Variants in GALNT14 observed in about 807,000 individuals in gnomAD.
GALNT14 encodes the protein polypeptide N-acetylgalactosaminyltransferase 14, also known as UDP-GalNAc:polypeptide N-acetylgalactosaminyltransferase 14.
Under a neutral mutation model 77.5 loss-of-function variants are expected in GALNT14, and 60 were observed. The observed-to-expected ratio is 0.77, with a 90% CI of 0.63 to 0.96. The LOEUF is 0.96. Among genes scored for constraint, GALNT14 ranks in the 40% least tolerant of loss-of-function variants. The pLI, the probability that GALNT14 is intolerant of heterozygous loss-of-function variation, is 0.00. For missense variants in GALNT14, 710 were observed against 731.0 expected (o/e 0.97, Z 0.33); for synonymous variants, 280 against 281.7 (o/e 0.99, Z 0.06).
rs148342071 is a variant in GALNT14, at chr2:30,924,430, G to C, written c.1236-167C>G. 7.1e-6 allele frequency: 5 copies of C among 701,648 alleles called. No individual in the cohort carries two copies. In the South Asian group the frequency reaches 7.4e-5, roughly 10 times the overall value. The allele number at this position is 701,648 out of a possible 1,614,324, so 43.5% of individuals were successfully genotyped here. A position where few individuals can be genotyped will look rare whatever the true frequency, so the allele number is the denominator to read the frequency against. Reference sequence around the variant, plus strand: ...GTGCCACTAAGAATGAGGTGGCAAGGAAAGACCCAGGAGCTACAGAGGGAG... The same window carrying C: ...GTGCCACTAAGAATGAGGTGGCAAGCAAAGACCCAGGAGCTACAGAGGGAG... On this transcript the variant is annotated intron_variant, in intron 12 of 14. Coordinates refer to ENST00000349752, the MANE Select transcript of GALNT14 (RefSeq NM_024572.4).
downstream of GALNT14, among the ~76,000 whole-genome samples, chr2:30,907,672 T>C (rs1391344273): frequency 2.0e-5 from 3 of 150,270 alleles, no homozygotes; most frequent in Admixed American, 1.3e-4. Context: ...ACTATTCCAA[T>C]CAATAGAAAA....
rs528730431 is a variant in GALNT14 at position 31,022,560 on chromosome 2, G to A, written c.130-29553C>T. Among the ~76,000 whole-genome samples, 7 of 152,220 alleles carry A rather than the reference G, an allele frequency of 4.6e-5. No individual in the cohort carries two copies. In the East Asian group the frequency reaches 9.7e-4, roughly 21 times the overall value. ...CCATGTAACACTGCTACAAAACAAC[G>A]TCTTCCCACTTAGCACATGTGTATG... On this transcript the variant is annotated intron_variant, in intron 1 of 14. Coordinates refer to ENST00000349752, the MANE Select transcript of GALNT14 (RefSeq NM_024572.4).
intron 2 of GALNT14, among the ~76,000 whole-genome samples, chr2:30,980,675 C>T (rs994264614): frequency 3.3e-5 from 5 of 152,216 alleles, no homozygotes; most frequent in African/African-American, 7.2e-5. Context: ...CAACCAGTTA[C>T]GTTGCCTGGG....
chr2:30,904,735 T>G, the GALNT14 span, among the ~76,000 whole-genome samples: 1 of 152,256 alleles, frequency 6.6e-6, no homozygotes, highest in East Asian at 1.9e-4. Context: ...TGTCTGCCTC[T>G]GTAGGCTCCA....
At chr2:31,112,146 T>C (rs1408532075) in intron 1 of GALNT14, among the ~76,000 whole-genome samples, 1 of 152,172 alleles carries the variant, frequency 6.6e-6, no homozygotes, top group Non-Finnish European at 1.5e-5. Flanking sequence ...CTCCTGCCCA[T>C]GCAGCAGAAG....
rs12611832 is a variant in GALNT14, at chr2:30,973,383, C to T, written c.300-7081G>A. Reference sequence around the variant, plus strand: ...ATGTGTGTGAGGAAGAAAGAATGAGCGGAGAAAAGCTCTTGGCCAATGACC... The same window carrying T: ...ATGTGTGTGAGGAAGAAAGAATGAGTGGAGAAAAGCTCTTGGCCAATGACC... On this transcript the variant is annotated intron_variant, in intron 2 of 14. Transcript: ENST00000349752. Among the ~76,000 whole-genome samples the T allele has an allele frequency of 5.2e-3, 797 of 152,240 alleles. 7 individuals are homozygous for T. Among genetic ancestry groups the T allele is most frequent in the African/African-American group, 0.018 (756 of 41,548 alleles).
intron 2 of GALNT14, among the ~76,000 whole-genome samples, chr2:30,966,839 T>A (rs1436735389): frequency 6.6e-6 from 1 of 152,234 alleles, no homozygotes; most frequent in East Asian, 1.9e-4. Context: ...AACCCTGGTA[T>A]AAGTGATAAA....
chr2:31,129,072 A>C (rs754384935), intron 1 of GALNT14, among the ~76,000 whole-genome samples: 1 of 152,238 alleles, frequency 6.6e-6, no homozygotes, highest in Admixed American at 6.5e-5. Flanking sequence ...ACAAACATAT[A>C]ACATACACAT....
intron 13 of GALNT14, among the ~76,000 whole-genome samples, chr2:30,920,977 C>T (rs2148221449): frequency 6.6e-6 from 1 of 152,362 alleles, no homozygotes; most frequent in Middle Eastern, 3.4e-3. Flanking sequence ...GGAGGGGCAT[C>T]TCAGTACCAT....
intron 1 of GALNT14, among the ~76,000 whole-genome samples, chr2:31,014,975 A>G (rs939554457): frequency 6.6e-6 from 1 of 152,144 alleles, no homozygotes; most frequent in African/African-American, 2.4e-5. Context: ...CTGAAGAATC[A>G]ACCACTCGCT....
intron 1 of GALNT14, among the ~76,000 whole-genome samples, chr2:31,035,203 A>C (rs572154362): frequency 2.0e-5 from 3 of 152,094 alleles, no homozygotes; most frequent in African/African-American, 7.2e-5. Flanking sequence ...GAGGTATTGA[A>C]GTTTCTACCT....
chr2:30,910,116 C>T (rs986888636), downstream of GALNT14, among the ~76,000 whole-genome samples: 7 of 150,258 alleles, frequency 4.7e-5, no homozygotes, highest in Admixed American at 2.0e-4. Context: ...TGCTAGATGA[C>T]GAGTTAGTGG....
chr2:31,034,568 G>T (rs946234588), intron 1 of GALNT14, among the ~76,000 whole-genome samples: 8 of 147,934 alleles, frequency 5.4e-5, no homozygotes, highest in Admixed American at 6.7e-5. Context: ...GTTTTTTTTT[G>T]ATTATCTGTT....
intron 1 of GALNT14, among the ~76,000 whole-genome samples, chr2:31,032,578 G>A (rs750644326): frequency 7.9e-5 from 12 of 152,160 alleles, no homozygotes; most frequent in Non-Finnish European, 1.3e-4. Context: ...TGAAATGACT[G>A]AGCAGCCCAG....
chr2:30,938,384 A>ACACACACACACACACACACTCTCTCT (rs1174119035), intron 9 of GALNT14, among the ~76,000 whole-genome samples: 1 of 141,692 alleles, frequency 7.1e-6, no homozygotes, highest in African/African-American at 2.6e-5. Context: ...ACACACACAC[A>ACACACACACACACACACACTCTCTCT]CTCTCTCTCT....
the GALNT14 span, among the ~76,000 whole-genome samples, chr2:30,904,941 G>C: frequency 2.0e-5 from 3 of 152,008 alleles, no homozygotes; most frequent in African/African-American, 7.2e-5. Flanking sequence ...GCACCCCCCA[G>C]CAGGGGCACA....
chr2:31,079,227 T>C (rs1676005123), intron 1 of GALNT14, among the ~76,000 whole-genome samples: 1 of 152,176 alleles, frequency 6.6e-6, no homozygotes, highest in Non-Finnish European at 1.5e-5. Context: ...TAGGAAGCCA[T>C]GCTTCTAGGG....
At chr2:30,998,043 G>C (rs939308967) in intron 1 of GALNT14, among the ~76,000 whole-genome samples, 3 of 152,108 alleles carry the variant, frequency 2.0e-5, no homozygotes, top group African/African-American at 7.2e-5. Flanking sequence ...AAAGGAGCAG[G>C]AAATTAAGTG....
intron 1 of GALNT14, among the ~76,000 whole-genome samples, chr2:31,018,323 A>T (rs761770465): frequency 1.3e-5 from 2 of 152,232 alleles, no homozygotes; most frequent in Non-Finnish European, 2.9e-5. Context: ...TGTACCTGAG[A>T]CTGGGTAATT....
Sources: allele counts gnomAD v4.1 joint callset (sites outside exome capture counted in the v4.1 genomes callset), GRCh38; gene constraint gnomAD v4.1.1; transcripts MANE v1.5; gene names NCBI Gene and HGNC (gene_info 2026-07-23, HGNC 2026-07-21).